TMEM132C: variants seen among roughly 807,000 people sequenced by gnomAD.
TMEM132C encodes the protein protein phosphatase 1, regulatory subunit 152.
A neutral mutation model predicts 61.4 loss-of-function variants in TMEM132C; 29 were observed. The observed-to-expected ratio is 0.47, with a 90% CI of 0.35 to 0.64. The LOEUF (loss-of-function observed/expected upper bound fraction) is 0.64, where lower values mean the gene tolerates loss of function less well. Among genes scored for constraint, TMEM132C ranks in the 30% least tolerant of loss-of-function variants. TMEM132C has a pLI of 0.00. For synonymous variants in TMEM132C, 656 were observed against 633.1 expected (o/e 1.04, Z -0.54); for missense variants, 1,408 against 1,476.9 (o/e 0.95, Z 0.76).
At chr12:128,518,499 C>G (rs1244840235) in intron 2 of TMEM132C, among the ~76,000 whole-genome samples, 1 of 152,188 alleles carries the variant, frequency 6.6e-6, no homozygotes, top group South Asian at 2.1e-4. Flanking sequence ...GACAACAGAA[C>G]GGGACCTGAT....
intron 2 of TMEM132C, among the ~76,000 whole-genome samples, chr12:128,435,139 A>T (rs1054123055): frequency 6.6e-6 from 1 of 152,236 alleles, no homozygotes; most frequent in African/African-American, 2.4e-5. Flanking sequence ...AACTACCAGA[A>T]GTCCTAAGAA....
At chr12:128,500,244 A>G (rs987583282) in intron 2 of TMEM132C, among the ~76,000 whole-genome samples, 8 of 152,248 alleles carry the variant, frequency 5.3e-5, no homozygotes, top group African/African-American at 1.9e-4. Flanking sequence ...TTGAACTCCT[A>G]GAAGAAAACA....
chr12:128,628,952 CAT>C (rs1954042782), intron 4 of TMEM132C, among the ~76,000 whole-genome samples: 3 of 152,138 alleles, frequency 2.0e-5, no homozygotes, highest in African/African-American at 4.8e-5. Flanking sequence ...TCATTTGAAA[CAT>C]GTGAGAGCAT....
At chr12:128,442,358 G>A (rs1231190352) in intron 2 of TMEM132C, among the ~76,000 whole-genome samples, 2 of 152,220 alleles carry the variant, frequency 1.3e-5, no homozygotes, top group Non-Finnish European at 2.9e-5. Context: ...GTTTGCAGAT[G>A]CTGGTAAACC....
At position 128,532,500 on chromosome 12, in the gene TMEM132C, G is replaced by A. The variant is rs112183346; in HGVS notation, c.975-11457G>A. Among the ~76,000 whole-genome samples, 791 of 151,746 alleles carry A rather than the reference G, an allele frequency of 5.2e-3. 5 individuals are homozygous for A. The highest frequency in any genetic ancestry group is 0.018 in the African/African-American group (746 of 41,374). ...CTAAAAATACAAAAATTAGCCGGGC[G>A]TGGTGGCAGGCACCTGTAATCCCAG... On this transcript the variant is annotated intron_variant, in intron 2 of 8. Transcript: ENST00000435159.
chr12:128,502,400 G>A (rs1422005265), intron 2 of TMEM132C, among the ~76,000 whole-genome samples: 4 of 152,244 alleles, frequency 2.6e-5, no homozygotes, highest in African/African-American at 9.6e-5. Context: ...GGCTTCTACA[G>A]GGGCCATTTG....
At chr12:128,463,515 C>T (rs1421232985) in intron 2 of TMEM132C, among the ~76,000 whole-genome samples, 4 of 152,084 alleles carry the variant, frequency 2.6e-5, no homozygotes, top group Non-Finnish European at 5.9e-5. Flanking sequence ...GATGGGGTTT[C>T]GTCATGTTGG....
chr12:128,590,666 A>G (rs1460864488), intron 3 of TMEM132C, among the ~76,000 whole-genome samples: 2 of 152,196 alleles, frequency 1.3e-5, no homozygotes, highest in African/African-American at 2.4e-5. Flanking sequence ...GTCACATCAC[A>G]TAAGGAGACG....
Position 128,278,745 on chromosome 12 carries a change from CGTGTATGT to C in TMEM132C, c.85+11263_85+11270del, listed in dbSNP as rs1283852540. On this transcript the variant is annotated intron_variant, in intron 1 of 8. Coordinates refer to ENST00000435159, the MANE Select transcript of TMEM132C (RefSeq NM_001136103.3). The surrounding 1 kb of genome is among the most constrained non-coding windows in gnomAD (Gnocchi z 4.2). ...ATATTTGTGCAGACTTGATTCTATACGTGTATGTGTGTGTGTGTGTGTGTGTGTGTGTG... is the reference window on the plus strand; with the variant it reads ...ATATTTGTGCAGACTTGATTCTATACGTGTGTGTGTGTGTGTGTGTGTGTG... Among the ~76,000 whole-genome samples the C allele has an allele frequency of 7.1e-4, 96 of 135,674 alleles. 1 individual carries two copies. The highest frequency in any genetic ancestry group is 1.2e-3 in the African/African-American group (42 of 33,628). The allele number at this position is 135,674 out of a possible 152,430, so 89.0% of individuals were successfully genotyped here.
rs1333311626 is a variant in TMEM132C at position 128,543,966 on chromosome 12, G to A, written c.984G>A (p.Val328=). The A allele has an allele frequency of 6.5e-7, 1 of 1,546,272 alleles. No homozygotes were observed. Among genetic ancestry groups the A allele is most frequent in the East Asian group, 2.5e-5 (1 of 40,410 alleles). The part of the protein sequence containing the change: ...SVDLFILRAK[V]KKGVNILSAQ... ...ATCTTCATCCCCACAGAGCCAAGGTGAAGAAGGGGGTGAACATCCTGAGTG... is the reference window on the plus strand; with the variant it reads ...ATCTTCATCCCCACAGAGCCAAGGTAAAGAAGGGGGTGAACATCCTGAGTG... Residue 328 remains valine, a synonymous_variant, in exon 3 of 9, where the codon GTG becomes GTA. Coordinates refer to ENST00000435159, the MANE Select transcript of TMEM132C (RefSeq NM_001136103.3).
rs577281113 is a variant in TMEM132C at position 128,556,067 on chromosome 12, G to A, written c.1121+11964G>A. 3.4e-4 allele frequency among the ~76,000 whole-genome samples: 52 copies of A among 152,328 alleles called. No homozygotes were observed. In the South Asian group the frequency reaches 7.7e-3, roughly 22 times the overall value. ...TAAACTCTTCCAAGAGAATTTGCTGGAGGCATTGGGGTGGTGGGTGGAGAG... is the reference window on the plus strand; with the variant it reads ...TAAACTCTTCCAAGAGAATTTGCTGAAGGCATTGGGGTGGTGGGTGGAGAG... On this transcript the variant is annotated intron_variant, in intron 3 of 8. Transcript: ENST00000435159.
intron 3 of TMEM132C, among the ~76,000 whole-genome samples, chr12:128,560,713 A>C (rs1874479581): frequency 6.6e-6 from 1 of 152,222 alleles, no homozygotes; most frequent in South Asian, 2.1e-4. Flanking sequence ...TTTAGGGCTT[A>C]ACTCAGTTCC....
chr12:128,546,827 C>T (rs1224408328), intron 3 of TMEM132C, among the ~76,000 whole-genome samples: 1 of 152,220 alleles, frequency 6.6e-6, no homozygotes, highest in South Asian at 2.1e-4. Flanking sequence ...CACTTAATCA[C>T]ATCTGCAAAG....
intron 3 of TMEM132C, among the ~76,000 whole-genome samples, chr12:128,579,641 G>T (rs536865291): frequency 6.6e-6 from 1 of 152,216 alleles, no homozygotes; most frequent in Non-Finnish European, 1.5e-5. Flanking sequence ...ACCTCTCCCT[G>T]CAGGGGTGAT....
chr12:128,571,843 G>C (rs1219148459), intron 3 of TMEM132C, among the ~76,000 whole-genome samples: 2 of 152,218 alleles, frequency 1.3e-5, no homozygotes, highest in African/African-American at 2.4e-5. Context: ...ACTCCACTTA[G>C]AGGCAGATTT....
intron 1 of TMEM132C, among the ~76,000 whole-genome samples, chr12:128,381,754 A>C (rs540478201): frequency 6.6e-6 from 1 of 152,346 alleles, no homozygotes; most frequent in East Asian, 1.9e-4. Flanking sequence ...GGGGGACGGC[A>C]TCTGGCGGCT....
At position 128,591,341 on chromosome 12, in the gene TMEM132C, G is replaced by A. The variant is rs542408504; in HGVS notation, c.1122-24811G>A. Among the ~76,000 whole-genome samples, 5 of 152,170 alleles carry A rather than the reference G, an allele frequency of 3.3e-5. No homozygotes were observed. In the South Asian group the frequency reaches 6.3e-4, roughly 19 times the overall value. On this transcript the variant is annotated intron_variant, in intron 3 of 8. Coordinates refer to ENST00000435159, the MANE Select transcript of TMEM132C (RefSeq NM_001136103.3). ...CTCTGTGGATTTGCCTGTTCTGGGCGTTTCGTGTCAGTGGAATCATAGTGT... is the reference window on the plus strand; with the variant it reads ...CTCTGTGGATTTGCCTGTTCTGGGCATTTCGTGTCAGTGGAATCATAGTGT...
intron 1 of TMEM132C, among the ~76,000 whole-genome samples, chr12:128,321,696 C>T (rs1202480577): frequency 1.3e-5 from 2 of 152,190 alleles, no homozygotes; most frequent in Non-Finnish European, 2.9e-5. Context: ...TGTCCATATC[C>T]TGATTGTGGT....
chr12:128,603,624 A>G (rs892978610), intron 3 of TMEM132C, among the ~76,000 whole-genome samples: 1 of 151,916 alleles, frequency 6.6e-6, no homozygotes, highest in East Asian at 1.9e-4. Context: ...TACTTTATAT[A>G]TTTACTTTTT....
Sources: allele counts gnomAD v4.1 joint callset (sites outside exome capture counted in the v4.1 genomes callset), GRCh38; gene constraint gnomAD v4.1.1; non-coding constraint Gnocchi (gnomAD v3.1); transcripts MANE v1.5; gene names NCBI Gene and HGNC (gene_info 2026-07-23, HGNC 2026-07-21).